Variants in SUGCT observed in about 807,000 individuals in gnomAD.
SUGCT encodes succinyl-CoA:glutarate-CoA transferase.
A neutral mutation model predicts 55.0 loss-of-function variants in SUGCT; 41 were observed. The observed-to-expected ratio is 0.74, with a 90% confidence interval of 0.58 to 0.97. The LOEUF is 0.97. Ranked by LOEUF, SUGCT falls within the 50% of genes least tolerant of loss-of-function variation. The pLI, the probability that SUGCT is intolerant of heterozygous loss-of-function variation, is 0.00. For synonymous variants in SUGCT, 187 were observed against 200.4 expected, an observed-to-expected ratio of 0.93 and a Z score of 0.56; for missense variants, 568 against 547.8, an observed-to-expected ratio of 1.04 and a Z score of -0.37.
At chr7:40,161,131 T>C (rs1351513961) in intron 1 of SUGCT, among the ~76,000 whole-genome samples, 1 of 152,198 alleles carries the variant, frequency 6.6e-6, no homozygotes, top group African/African-American at 2.4e-5. Flanking sequence ...CTTTACTACC[T>C]GAAGAGAAGT....
intron 12 of SUGCT, among the ~76,000 whole-genome samples, chr7:40,695,201 T>A (rs1354454951): frequency 6.7e-6 from 1 of 150,024 alleles, no homozygotes; most frequent in African/African-American, 2.4e-5. Flanking sequence ...ATTTATTTAT[T>A]TATTTATTTA....
intron 8 of SUGCT, among the ~76,000 whole-genome samples, chr7:40,287,666 T>A (rs967912130): frequency 6.6e-6 from 1 of 152,012 alleles, no homozygotes; most frequent in South Asian, 2.1e-4. Flanking sequence ...TCAGCTAAAT[T>A]TTTTTGAATT....
At chr7:40,509,272 C>CT (rs1242107901) in intron 12 of SUGCT, among the ~76,000 whole-genome samples, 6 of 151,686 alleles carry the variant, frequency 4.0e-5, no homozygotes, top group South Asian at 4.2e-4. Context: ...TTAGGGATAC[C>CT]TTTTTTTTGG....
chr7:40,980,330 A>G, the SUGCT span, among the ~76,000 whole-genome samples: 1 of 152,156 alleles, frequency 6.6e-6, no homozygotes, highest in South Asian at 2.1e-4. Context: ...ATTGGGGGGG[A>G]CACAAATATT....
At chr7:40,728,455 G>A (rs2128693041) in intron 12 of SUGCT, among the ~76,000 whole-genome samples, 1 of 152,210 alleles carries the variant, frequency 6.6e-6, no homozygotes, top group South Asian at 2.1e-4. Context: ...GAAGGCGGAG[G>A]TTGCAGTGAG....
the SUGCT span, among the ~76,000 whole-genome samples, chr7:40,944,540 C>G: frequency 1.4e-4 from 21 of 151,818 alleles, no homozygotes; most frequent in Admixed American, 5.3e-4. Context: ...AATAGAGAAT[C>G]CTTTCCCCAT....
chr7:40,377,164 T>TA, intron 9 of SUGCT, among the ~76,000 whole-genome samples: 1 of 16,328 alleles, frequency 6.1e-5, no homozygotes, highest in Non-Finnish European at 3.0e-4. Context: ...CTTTCTTTCT[T>TA]TCTTTCTTTC....
intron 13 of SUGCT, among the ~76,000 whole-genome samples, chr7:40,816,024 A>G (rs1791652600): frequency 1.3e-5 from 2 of 152,222 alleles, no homozygotes; most frequent in South Asian, 2.1e-4. Context: ...GCAATGGTAG[A>G]TGCAGACCAG....
At chr7:40,271,930 TA>T (rs1378997572) in intron 7 of SUGCT, among the ~76,000 whole-genome samples, 1 of 151,746 alleles carries the variant, frequency 6.6e-6, no homozygotes, top group Non-Finnish European at 1.5e-5. Context: ...GAATATGTGA[TA>T]TTTGTCTTTC....
chr7:40,773,559 A>T (rs758639351), intron 13 of SUGCT, among the ~76,000 whole-genome samples: 9 of 152,210 alleles, frequency 5.9e-5, no homozygotes, highest in Non-Finnish European at 1.0e-4. Context: ...ATTGTGAATA[A>T]AATCAATGTA....
chr7:40,996,492 T>C, the SUGCT span, among the ~76,000 whole-genome samples: 3 of 152,200 alleles, frequency 2.0e-5, no homozygotes, highest in African/African-American at 7.2e-5. Flanking sequence ...CTGCAAGAGC[T>C]GGACACCTCT....
At chr7:40,500,284 TG>T (rs889421049) in intron 12 of SUGCT, among the ~76,000 whole-genome samples, 3 of 152,168 alleles carry the variant, frequency 2.0e-5, no homozygotes, top group Non-Finnish European at 4.4e-5. Flanking sequence ...TCTTCACATT[TG>T]TACCACACAA....
the SUGCT span, among the ~76,000 whole-genome samples, chr7:40,902,605 A>C: frequency 9.2e-5 from 14 of 151,824 alleles, no homozygotes; most frequent in South Asian, 8.3e-4. Context: ...AGAAAAAAAA[A>C]CCAAAACCAC....
At chr7:40,279,965 C>T (rs1255021328) in intron 8 of SUGCT, among the ~76,000 whole-genome samples, 1 of 152,072 alleles carries the variant, frequency 6.6e-6, no homozygotes, top group Non-Finnish European at 1.5e-5. Flanking sequence ...GTAAAAAACA[C>T]ATTTTCCTAC....
chr7:40,300,328 A>G (rs932988903), intron 8 of SUGCT, among the ~76,000 whole-genome samples: 30 of 152,254 alleles, frequency 2.0e-4, no homozygotes, highest in African/African-American at 5.8e-4. Context: ...GGCCTGTTGA[A>G]TCAGGGTCCA....
chr7:40,298,858 G>A (rs1024078297), intron 8 of SUGCT, among the ~76,000 whole-genome samples: 1 of 151,936 alleles, frequency 6.6e-6, no homozygotes, highest in African/African-American at 2.4e-5. Context: ...GAAATAAAAA[G>A]TTCCAGGTTT....
chr7:40,321,431 G>T (rs1795741176), intron 9 of SUGCT, among the ~76,000 whole-genome samples: 1 of 150,118 alleles, frequency 6.7e-6, no homozygotes, highest in African/African-American at 2.5e-5. Flanking sequence ...TGCCGAGGCT[G>T]GAGTGTAATG....
At chr7:40,987,489 T>C in the SUGCT span, among the ~76,000 whole-genome samples, 35 of 152,220 alleles carry the variant, frequency 2.3e-4, no homozygotes, top group African/African-American at 8.2e-4. Flanking sequence ...TCCCACCCTT[T>C]CTTCTGGTGG....
Position 40,229,723 on chromosome 7 carries a change from A to G in SUGCT, c.485-7912A>G, listed in dbSNP as rs143907817. On this transcript the variant is annotated intron_variant, in intron 6 of 13. Coordinates refer to ENST00000335693, the MANE Select transcript of SUGCT (RefSeq NM_001193313.2). ...CAGCTACTCGGGAGGCTGAGGCAGG[A>G]GAATCACTTGAACCTGGGAGTTGGA... Among the ~76,000 whole-genome samples, 924 of 151,520 alleles carry G rather than the reference A, an allele frequency of 6.1e-3. 10 individuals carry two copies. The highest frequency in any genetic ancestry group is 0.021 in the African/African-American group (875 of 41,238).
Sources: allele counts gnomAD v4.1 joint callset (sites outside exome capture counted in the v4.1 genomes callset), GRCh38; gene constraint gnomAD v4.1.1; transcripts MANE v1.5; gene names NCBI Gene and HGNC (gene_info 2026-07-23, HGNC 2026-07-21).